PRKN: variants seen among roughly 807,000 people sequenced by gnomAD.
PRKN encodes the protein parkin RBR E3 ubiquitin protein ligase.
A neutral mutation model predicts 59.5 loss-of-function variants in PRKN; 56 were observed. That is an observed-to-expected ratio of 0.94 (90% CI 0.76 to 1.18). The LOEUF (loss-of-function observed/expected upper bound fraction) is 1.18, where lower values mean the gene tolerates loss of function less well. PRKN is among the 50% of genes most tolerant of loss of function. PRKN has a pLI of 0.00. For synonymous variants in PRKN, 250 were observed against 222.1 expected, an observed-to-expected ratio of 1.13 and a Z score of -1.12; for missense variants, 657 against 596.4, an observed-to-expected ratio of 1.10 and a Z score of -1.06.
chr6:162,094,848 G>T (rs1263492514), intron 4 of PRKN, among the ~76,000 whole-genome samples: 1 of 152,154 alleles, frequency 6.6e-6, no homozygotes. Flanking sequence ...AATGTATTTA[G>T]ACATTTCCTA....
chr6:161,580,214 A>G lies in PRKN; in HGVS notation c.872-10798T>C, dbSNP rs1254920867. 3.3e-5 allele frequency among the ~76,000 whole-genome samples: 5 copies of G among 152,286 alleles called. No individual in the cohort carries two copies. In the East Asian group the frequency reaches 9.6e-4, roughly 29 times the overall value. ...TCACGAGAATTAGTAATTATTCTTT[A>G]TTTTAATTAGCCAAAATGATGAATC... On this transcript the variant is annotated intron_variant, in intron 7 of 11. Coordinates refer to ENST00000366898, the MANE Select transcript of PRKN (RefSeq NM_004562.3).
chr6:162,646,336 A>G (rs911242703), intron 1 of PRKN, among the ~76,000 whole-genome samples: 7 of 152,002 alleles, frequency 4.6e-5, no homozygotes, highest in Admixed American at 4.6e-4. Context: ...GCAGTGGTGT[A>G]ATCATAGCTC....
At position 162,049,949 on chromosome 6, in the gene PRKN, G is replaced by A. The variant is rs79614264; in HGVS notation, c.618+4142C>T. Among the ~76,000 whole-genome samples, 261 of 152,188 alleles carry A rather than the reference G, an allele frequency of 1.7e-3. 1 individual carries two copies. Among genetic ancestry groups the A allele is most frequent in the African/African-American group, 5.9e-3 (243 of 41,534 alleles). ...GTGTTACTCTCTCTCCCACCATGGT[G>A]TTAAATTTATCCACATATTTTGTTA... On this transcript the variant is annotated intron_variant, in intron 5 of 11. Coordinates refer to ENST00000366898, the MANE Select transcript of PRKN (RefSeq NM_004562.3).
At chr6:162,422,555 T>C (rs1789023790) in intron 2 of PRKN, among the ~76,000 whole-genome samples, 1 of 152,116 alleles carries the variant, frequency 6.6e-6, no homozygotes, top group African/African-American at 2.4e-5. Context: ...AAAAAATGAC[T>C]TTGGGTCACA....
rs146493197 is a variant in PRKN, at chr6:162,006,348, G to T, written c.619-32931C>A. On this transcript the variant is annotated intron_variant, in intron 5 of 11. Coordinates refer to ENST00000366898, the MANE Select transcript of PRKN (RefSeq NM_004562.3). ...CCCCATATTCTTCCCACAGCAAAAT[G>T]AGTCTTTCAACAATGTCAACCAGAT... is the stretch of plus-strand genomic sequence containing the variant. Among the ~76,000 whole-genome samples, 374 of 152,242 alleles carry T rather than the reference G, an allele frequency of 2.5e-3. 5 individuals are homozygous for T. Among genetic ancestry groups the T allele is most frequent in the African/African-American group, 8.5e-3 (352 of 41,552 alleles).
At chr6:161,987,106 T>A (rs1789989) in intron 5 of PRKN, among the ~76,000 whole-genome samples, 56 of 152,138 alleles carry the variant, frequency 3.7e-4, no homozygotes, top group Middle Eastern at 6.8e-3. Context: ...CCACTCAAGA[T>A]AAACTGGGCA....
intron 1 of PRKN, among the ~76,000 whole-genome samples, chr6:162,540,069 C>T (rs988631204): frequency 4.6e-5 from 7 of 152,042 alleles, no homozygotes; most frequent in Non-Finnish European, 7.4e-5. Context: ...GCGCCCACCA[C>T]CATGCCCAGC....
chr6:161,396,817 G>A lies in PRKN; in HGVS notation c.1084-9940C>T, dbSNP rs748920195. The stretch of plus-strand genomic sequence containing the variant: ...ATGCTTTCCCTGAATACCTGGGCCC[G>A]CCCTGGGCAACTTGGGGCAAGGCCA... On this transcript the variant is annotated intron_variant, in intron 9 of 11. Coordinates refer to ENST00000366898, the MANE Select transcript of PRKN (RefSeq NM_004562.3). This position sits in a 1 kb window ranked among gnomAD's most constrained non-coding sequence, Gnocchi z 5.4. Among the ~76,000 whole-genome samples the A allele has an allele frequency of 2.2e-4, 34 of 152,136 alleles. No homozygotes were observed. Among genetic ancestry groups the A allele is most frequent in the Admixed American group, 1.2e-3 (18 of 15,282 alleles).
intron 1 of PRKN, among the ~76,000 whole-genome samples, chr6:162,546,433 A>G (rs1394530039): frequency 1.3e-5 from 2 of 151,394 alleles, no homozygotes; most frequent in African/African-American, 4.9e-5. Flanking sequence ...TTATTTGACC[A>G]AGGAAAATTT....
intron 1 of PRKN, among the ~76,000 whole-genome samples, chr6:162,662,942 C>T (rs536457898): frequency 1.5e-4 from 23 of 152,048 alleles, no homozygotes; most frequent in Admixed American, 1.2e-3. Context: ...GGCAGAAGAG[C>T]GATTGAAGCT....
At chr6:161,851,887 G>C (rs1164278639) in intron 6 of PRKN, among the ~76,000 whole-genome samples, 3 of 151,316 alleles carry the variant, frequency 2.0e-5, no homozygotes, top group Admixed American at 2.0e-4. Context: ...AGGAGTTTGA[G>C]ACCAGCCTGG....
At chr6:161,807,534 T>C (rs779186309) in intron 6 of PRKN, among the ~76,000 whole-genome samples, 4 of 152,120 alleles carry the variant, frequency 2.6e-5, no homozygotes, top group African/African-American at 4.8e-5. Context: ...AGGTAGAAAG[T>C]CAAAAACCAA....
rs576096364 is a variant in PRKN at position 161,428,449 on chromosome 6, G to A, written c.1084-41572C>T. On this transcript the variant is annotated intron_variant, in intron 9 of 11. Transcript: ENST00000366898. This position sits in a 1 kb window ranked among gnomAD's most constrained non-coding sequence, Gnocchi z 4.0. Reference sequence around the variant, plus strand: ...TCAGGGTCCACACGAGCCTCATGGAGAGACAGGCGGCTGCTCCGTCCATCT... The same window carrying A: ...TCAGGGTCCACACGAGCCTCATGGAAAGACAGGCGGCTGCTCCGTCCATCT... Among the ~76,000 whole-genome samples the A allele has an allele frequency of 6.6e-6, 1 of 152,242 alleles. No individual in the cohort carries two copies. Among genetic ancestry groups the A allele is most frequent in the Non-Finnish European group, 1.5e-5 (1 of 68,038 alleles).
chr6:162,256,005 G>C (rs1393261209), intron 3 of PRKN, among the ~76,000 whole-genome samples: 2 of 152,130 alleles, frequency 1.3e-5, no homozygotes, highest in African/African-American at 4.8e-5. Context: ...GCATTAATTT[G>C]CAAAGAATTA....
At chr6:162,018,451 A>C (rs760151542) in intron 5 of PRKN, among the ~76,000 whole-genome samples, 1 of 152,232 alleles carries the variant, frequency 6.6e-6, no homozygotes, top group African/African-American at 2.4e-5. Flanking sequence ...TAATGATGAG[A>C]GGAGCCATTT....
chr6:161,622,012 C>G (rs1003278524), intron 7 of PRKN, among the ~76,000 whole-genome samples: 1 of 152,124 alleles, frequency 6.6e-6, no homozygotes, highest in Non-Finnish European at 1.5e-5. Flanking sequence ...ACGTGTATGC[C>G]GCCTATCTCA....
chr6:161,490,287 G>T (rs553124985), intron 9 of PRKN, among the ~76,000 whole-genome samples: 11 of 149,694 alleles, frequency 7.3e-5, no homozygotes, highest in Non-Finnish European at 1.5e-4. Flanking sequence ...TCTAATCTAC[G>T]TAAATCTCTC....
intron 7 of PRKN, among the ~76,000 whole-genome samples, chr6:161,760,538 C>G (rs772070405): frequency 1.3e-5 from 2 of 151,720 alleles, no homozygotes; most frequent in Non-Finnish European, 2.9e-5. Context: ...GTGTGGAACC[C>G]GAGATTCAGG....
chr6:162,688,474 G>T (rs1009984628), intron 1 of PRKN, among the ~76,000 whole-genome samples: 1 of 152,110 alleles, frequency 6.6e-6, no homozygotes, highest in African/African-American at 2.4e-5. Context: ...TAGGTCAATT[G>T]TATTAGATAA....
Sources: allele counts gnomAD v4.1 joint callset (sites outside exome capture counted in the v4.1 genomes callset), GRCh38; gene constraint gnomAD v4.1.1; non-coding constraint Gnocchi (gnomAD v3.1); transcripts MANE v1.5; gene names NCBI Gene and HGNC (gene_info 2026-07-23, HGNC 2026-07-21).